The following ST6GAL2 variants were observed in gnomAD, a reference collection of about 807,000 sequenced individuals.
The protein encoded by ST6GAL2 is ST6 beta-galactoside alpha-2,6-sialyltransferase 2, also known as beta-galactoside alpha-2,6-sialyltransferase 2.
Under a neutral mutation model 37.5 loss-of-function variants are expected in ST6GAL2, and 24 were observed. The observed-to-expected ratio is 0.64, with a 90% confidence interval of 0.46 to 0.90. ST6GAL2 has a LOEUF of 0.90. Ranked by LOEUF, ST6GAL2 falls within the 40% of genes least tolerant of loss-of-function variation. The probability of loss-of-function intolerance (pLI) is 0.00; values close to 1 mark genes in which losing one functional copy is unlikely to be tolerated. For missense variants in ST6GAL2, 715 were observed against 712.7 expected (o/e 1.00, Z -0.04); for synonymous variants, 306 against 295.1 (o/e 1.04, Z -0.38).
chr2:106,872,821 C>T lies in ST6GAL2; in HGVS notation c.-58+13272G>A, dbSNP rs1678333859. Among the ~76,000 whole-genome samples the T allele has an allele frequency of 3.3e-5, 5 of 151,970 alleles. No homozygotes were observed. The South Asian group carries it at 1.0e-3, about 31-fold the overall frequency. On this transcript the variant is annotated intron_variant, in intron 1 of 5. Transcript: ENST00000409382. ...TTCCTTTTGTTTTAAACTTCATGTG[C>T]TTTCATTACATCCTGTGAAGTTCTA...
chr2:106,871,897 G>C (rs1678285206), intron 1 of ST6GAL2, among the ~76,000 whole-genome samples: 1 of 152,190 alleles, frequency 6.6e-6, no homozygotes, highest in African/African-American at 2.4e-5. Flanking sequence ...TAGAAGTATA[G>C]TACAGTAAAA....
At chr2:106,851,912 T>C (rs1248852908) in intron 1 of ST6GAL2, among the ~76,000 whole-genome samples, 2 of 152,214 alleles carry the variant, frequency 1.3e-5, no homozygotes, top group Non-Finnish European at 2.9e-5. Flanking sequence ...TCGAGAATCA[T>C]TTTTTCTAAA....
chr2:106,832,331 C>A (rs1269564263), intron 4 of ST6GAL2, among the ~76,000 whole-genome samples: 1 of 152,106 alleles, frequency 6.6e-6, no homozygotes, highest in Non-Finnish European at 1.5e-5. Flanking sequence ...TTTCCCCCAC[C>A]CGGCTGCCCT....
intron 1 of ST6GAL2, among the ~76,000 whole-genome samples, chr2:106,873,634 C>T (rs1323776143): frequency 6.6e-6 from 1 of 152,200 alleles, no homozygotes; most frequent in African/African-American, 2.4e-5. Flanking sequence ...GAATGCTTTG[C>T]TGAAGGAAGA....
intron 1 of ST6GAL2, among the ~76,000 whole-genome samples, chr2:106,875,375 G>A (rs1344241277): frequency 4.0e-5 from 6 of 151,826 alleles, no homozygotes; most frequent in African/African-American, 1.5e-4. Context: ...ATGGGGTTTC[G>A]CCATGTTGCC....
At chr2:106,826,641 C>T (rs1676219405) in intron 5 of ST6GAL2, among the ~76,000 whole-genome samples, 1 of 151,860 alleles carries the variant, frequency 6.6e-6, no homozygotes. Context: ...ATGATCCAAA[C>T]ACCTCCCACC....
At chr2:106,822,127 T>C (rs1676026347) in intron 5 of ST6GAL2, among the ~76,000 whole-genome samples, 1 of 152,156 alleles carries the variant, frequency 6.6e-6, no homozygotes, top group South Asian at 2.1e-4. Context: ...TCATCACTGT[T>C]ATTCAACATA....
intron 1 of ST6GAL2, among the ~76,000 whole-genome samples, chr2:106,854,509 A>T (rs7604845): frequency 0.74 from 112,380 of 152,186 alleles, 42,332 homozygotes; most frequent in Non-Finnish European, 0.82. Context: ...TGTATGATAT[A>T]AGCATATATT....
chr2:106,821,256 A>T (rs1675992483), intron 5 of ST6GAL2, among the ~76,000 whole-genome samples: 1 of 151,676 alleles, frequency 6.6e-6, no homozygotes. Flanking sequence ...ATAAAGATAA[A>T]AAGAAAGAAG....
At chr2:106,854,383 C>T (rs1454886242) in intron 1 of ST6GAL2, among the ~76,000 whole-genome samples, 1 of 152,192 alleles carries the variant, frequency 6.6e-6, no homozygotes, top group Non-Finnish European at 1.5e-5. Flanking sequence ...GTGCTTAGCA[C>T]TGTGCCTGGC....
At chr2:106,822,036 C>T (rs927422845) in intron 5 of ST6GAL2, among the ~76,000 whole-genome samples, 4 of 152,074 alleles carry the variant, frequency 2.6e-5, no homozygotes, top group East Asian at 3.8e-4. Context: ...ATATGACAGA[C>T]CCATAGCTAG....
At chr2:106,854,666 C>T (rs1041423507) in intron 1 of ST6GAL2, among the ~76,000 whole-genome samples, 6 of 152,076 alleles carry the variant, frequency 3.9e-5, no homozygotes, top group African/African-American at 1.2e-4. Flanking sequence ...TAAACTAACA[C>T]GCCCCGGTTT....
intron 1 of ST6GAL2, among the ~76,000 whole-genome samples, chr2:106,869,110 G>C (rs1241549344): frequency 6.6e-6 from 1 of 152,142 alleles, no homozygotes; most frequent in Non-Finnish European, 1.5e-5. Flanking sequence ...GCAGGGGAGG[G>C]GTGGTGGGCT....
intron 2 of ST6GAL2, among the ~76,000 whole-genome samples, chr2:106,842,201 A>G (rs1490911843): frequency 6.6e-6 from 1 of 152,220 alleles, no homozygotes; most frequent in Non-Finnish European, 1.5e-5. Context: ...ATGAGAGTCA[A>G]GTCCTTAAAA....
chr2:106,818,967 T>C (rs1675902807), intron 5 of ST6GAL2, among the ~76,000 whole-genome samples: 1 of 151,740 alleles, frequency 6.6e-6, no homozygotes, highest in African/African-American at 2.4e-5. Flanking sequence ...TGCATCAGGG[T>C]CTCTTAATAG....
chr2:106,869,822 GC>G (rs1168821130), intron 1 of ST6GAL2, among the ~76,000 whole-genome samples: 1 of 152,184 alleles, frequency 6.6e-6, no homozygotes, highest in Non-Finnish European at 1.5e-5. Context: ...AGGTGGCTGG[GC>G]CTCCGACTGT....
chr2:106,818,327 G>A (rs1334829898), intron 5 of ST6GAL2, among the ~76,000 whole-genome samples: 1 of 152,154 alleles, frequency 6.6e-6, no homozygotes, highest in Non-Finnish European at 1.5e-5. Flanking sequence ...TGGTCACAGA[G>A]GTGCTTTTGT....
chr2:106,870,305 C>T (rs11674461), intron 1 of ST6GAL2, among the ~76,000 whole-genome samples: 94,527 of 151,962 alleles, frequency 0.62, 30,595 homozygotes, highest in Non-Finnish European at 0.74. Flanking sequence ...GATGTATAAA[C>T]TGAATGTTTA....
intron 1 of ST6GAL2, among the ~76,000 whole-genome samples, chr2:106,874,574 G>C (rs1162354943): frequency 6.6e-6 from 1 of 152,178 alleles, no homozygotes; most frequent in Non-Finnish European, 1.5e-5. Flanking sequence ...AAAGGGATGG[G>C]TATGCAGGAG....
Sources: gnomAD v4.1 joint callset for allele counts (sites outside exome capture counted in the v4.1 genomes callset) on GRCh38, gnomAD v4.1.1 for gene constraint, MANE v1.5 for transcripts, NCBI Gene and HGNC (gene_info 2026-07-23, HGNC 2026-07-21) for gene names.